TENM2: variants seen among roughly 807,000 people sequenced by gnomAD.
The protein encoded by TENM2 is teneurin transmembrane protein 2.
Under a neutral mutation model 245.2 loss-of-function variants are expected in TENM2, and 52 were observed. That is an observed-to-expected ratio of 0.21 (90% CI 0.17 to 0.27). The LOEUF is 0.27. TENM2 is among the 10% of genes least tolerant of loss of function. The probability of loss-of-function intolerance (pLI) is 1.00; values close to 1 mark genes in which losing one functional copy is unlikely to be tolerated. For missense variants in TENM2, 3,046 were observed against 3,666.8 expected, an observed-to-expected ratio of 0.83 and a Z score of 4.37; for synonymous variants, 1,363 against 1,438.9, an observed-to-expected ratio of 0.95 and a Z score of 1.19.
chr5:167,870,122 T>TAA (rs1174649815), intron 2 of TENM2, among the ~76,000 whole-genome samples: 1 of 152,238 alleles, frequency 6.6e-6, no homozygotes, highest in Non-Finnish European at 1.5e-5. Context: ...ATGTTTTTAT[T>TAA]AAGTTCTTGA....
intron 2 of TENM2, among the ~76,000 whole-genome samples, chr5:167,382,833 A>G (rs933925697): frequency 1.2e-4 from 19 of 152,236 alleles, no homozygotes; most frequent in Admixed American, 3.9e-4. Flanking sequence ...GACACATTCA[A>G]TAATCAAAAA....
intron 2 of TENM2, among the ~76,000 whole-genome samples, chr5:167,393,192 AAG>A (rs149193669): frequency 0.014 from 2,180 of 152,100 alleles, 25 homozygotes; most frequent in Non-Finnish European, 0.023. Context: ...ATAAAGAAAA[AAG>A]AGAGAAAATA....
At chr5:168,052,255 G>C (rs1467782595) in intron 6 of TENM2, among the ~76,000 whole-genome samples, 1 of 151,922 alleles carries the variant, frequency 6.6e-6, no homozygotes, top group Admixed American at 6.6e-5. Flanking sequence ...GCCAGGCGGG[G>C]TGGTGGGTGC....
intron 1 of TENM2, among the ~76,000 whole-genome samples, chr5:167,298,802 G>A (rs1388730987): frequency 1.3e-5 from 2 of 152,344 alleles, no homozygotes; most frequent in East Asian, 1.9e-4. Flanking sequence ...ATAGCACGAG[G>A]AGGTATCAGC....
At chr5:167,980,240 G>A (rs1188417958) in intron 4 of TENM2, among the ~76,000 whole-genome samples, 1 of 152,074 alleles carries the variant, frequency 6.6e-6, no homozygotes, top group African/African-American at 2.4e-5. Context: ...GAAGGGTGAG[G>A]GAAATGGGCC....
At position 167,900,143 on chromosome 5, in the gene TENM2, G is replaced by GT. The variant is rs1491021580; in HGVS notation, c.712+23948_712+23949insT. ...AAAAAAAAAAAAAAAAGGGGGGGGG[G>GT]GTTTTGGAAAGGAAAGGAATGATAT... is the stretch of plus-strand genomic sequence containing the variant. On this transcript the variant is annotated intron_variant, in intron 3 of 28. Coordinates refer to ENST00000518659, the Ensembl canonical transcript of TENM2. Among the ~76,000 whole-genome samples, 378 of 126,750 alleles carry GT rather than the reference G, an allele frequency of 3.0e-3. 6 individuals are homozygous for GT. Among genetic ancestry groups the GT allele is most frequent in the East Asian group, 0.019 (70 of 3,780 alleles). The allele number at this position is 126,750 out of a possible 152,430, so 83.2% of individuals were successfully genotyped here.
rs534188467 is a variant in TENM2, at chr5:167,815,446, G to A, written c.503-60540G>A. ...GCACCATTATTCTCATCATTGTATC[G>A]TTGTATTTATGGGGAGGCTAAAATG... On this transcript the variant is annotated intron_variant, in intron 2 of 28. Transcript: ENST00000518659. Among the ~76,000 whole-genome samples the A allele has an allele frequency of 1.6e-4, 24 of 152,222 alleles. No individual in the cohort carries two copies. The South Asian group carries it at 1.9e-3, about 12-fold the overall frequency.
At chr5:167,026,876 C>G in the TENM2 span, among the ~76,000 whole-genome samples, 3 of 152,112 alleles carry the variant, frequency 2.0e-5, no homozygotes, top group African/African-American at 7.2e-5. Context: ...AAAATGGTAG[C>G]AACATAGCGA....
Position 167,333,390 on chromosome 5 carries a change from G to A in TENM2, c.227-41808G>A, listed in dbSNP as rs78764188. 1.2e-4 allele frequency among the ~76,000 whole-genome samples: 18 copies of A among 152,262 alleles called. No homozygotes were observed. The East Asian group carries it at 3.3e-3, about 28-fold the overall frequency. On this transcript the variant is annotated intron_variant, in intron 1 of 28. Transcript: ENST00000518659. ...TCGTAAGATTATTTAATGAGATGAT[G>A]TTCAGATAAAGTTCTTAAAGCAAGG...
intron 2 of TENM2, among the ~76,000 whole-genome samples, chr5:167,809,456 A>C (rs558911413): frequency 6.6e-6 from 1 of 152,252 alleles, no homozygotes; most frequent in African/African-American, 2.4e-5. Flanking sequence ...GGAGGTGAGA[A>C]GGTAGAGGGA....
At chr5:168,052,616 G>T (rs1214774933) in intron 6 of TENM2, among the ~76,000 whole-genome samples, 1 of 152,044 alleles carries the variant, frequency 6.6e-6, no homozygotes, top group African/African-American at 2.4e-5. Flanking sequence ...ACATTGGCTT[G>T]ATGAGGTCAG....
intron 2 of TENM2, among the ~76,000 whole-genome samples, chr5:167,546,828 T>C (rs2127614480): frequency 6.6e-6 from 1 of 152,312 alleles, no homozygotes; most frequent in Middle Eastern, 3.4e-3. Context: ...TTCAATGTGC[T>C]AATTTACAAC....
intron 4 of TENM2, among the ~76,000 whole-genome samples, chr5:167,985,398 T>C (rs1291683243): frequency 6.6e-6 from 1 of 152,242 alleles, no homozygotes; most frequent in African/African-American, 2.4e-5. Flanking sequence ...CGACACCTGG[T>C]TTCCCTGATA....
At chr5:167,461,378 T>C (rs1766280137) in intron 2 of TENM2, among the ~76,000 whole-genome samples, 1 of 152,126 alleles carries the variant, frequency 6.6e-6, no homozygotes, top group Non-Finnish European at 1.5e-5. Flanking sequence ...ATGTACTAGA[T>C]GGCCTCAAGA....
intron 1 of TENM2, among the ~76,000 whole-genome samples, chr5:167,328,918 A>C (rs1757261089): frequency 6.6e-6 from 1 of 152,238 alleles, no homozygotes; most frequent in Non-Finnish European, 1.5e-5. Flanking sequence ...TCCCACTAAA[A>C]TAAGAGAACT....
At chr5:167,291,673 G>T (rs1016810277) in intron 1 of TENM2, among the ~76,000 whole-genome samples, 13 of 152,206 alleles carry the variant, frequency 8.5e-5, no homozygotes. Context: ...TTGGATGTAG[G>T]TTTATCCTGT....
At chr5:167,867,775 ATC>A (rs562932737) in intron 2 of TENM2, among the ~76,000 whole-genome samples, 42 of 152,288 alleles carry the variant, frequency 2.8e-4, no homozygotes, top group African/African-American at 9.4e-4. Flanking sequence ...CATTCTCTGA[ATC>A]TCCTGCCTCC....
the TENM2 span, among the ~76,000 whole-genome samples, chr5:167,220,103 A>G: frequency 6.6e-6 from 1 of 152,188 alleles, no homozygotes; most frequent in African/African-American, 2.4e-5. Flanking sequence ...GGTCAGATAG[A>G]TATTTGCTGG....
chr5:167,639,576 G>T (rs1779425923), intron 2 of TENM2, among the ~76,000 whole-genome samples: 1 of 152,156 alleles, frequency 6.6e-6, no homozygotes, highest in African/African-American at 2.4e-5. Context: ...AGTTATGCCT[G>T]GAATATCCTT....
Sources: gnomAD v4.1 joint callset for allele counts (sites outside exome capture counted in the v4.1 genomes callset) on GRCh38, gnomAD v4.1.1 for gene constraint, MANE v1.5 for transcripts, NCBI Gene and HGNC (gene_info 2026-07-23, HGNC 2026-07-21) for gene names.